DLG2: variants seen among roughly 807,000 people sequenced by gnomAD.
DLG2 encodes the protein disks large homolog 2.
A neutral mutation model predicts 132.5 loss-of-function variants in DLG2; 45 were observed. That is an observed-to-expected ratio of 0.34 (90% CI 0.27 to 0.44). DLG2 has a LOEUF of 0.44. Among genes scored for constraint, DLG2 ranks in the 20% least tolerant of loss-of-function variants. The pLI is 1.00. For synonymous variants in DLG2, 424 were observed against 419.6 expected, an observed-to-expected ratio of 1.01 and a Z score of -0.13; for missense variants, 1,045 against 1,196.9, an observed-to-expected ratio of 0.87 and a Z score of 1.87.
intron 6 of DLG2, among the ~76,000 whole-genome samples, chr11:84,869,016 T>G (rs2085061001): frequency 6.6e-6 from 1 of 152,152 alleles, no homozygotes; most frequent in African/African-American, 2.4e-5. Context: ...ATGAAAAATT[T>G]TACATATCTC....
intron 3 of DLG2, among the ~76,000 whole-genome samples, chr11:85,352,822 G>C: frequency 6.6e-6 from 1 of 152,064 alleles, no homozygotes; most frequent in East Asian, 1.9e-4. Flanking sequence ...CTTACACCTT[G>C]TACAAAAATT....
At chr11:85,509,833 A>T (rs1407936999) in intron 3 of DLG2, 1 of 152,052 alleles carries the variant, frequency 6.6e-6, no homozygotes, top group Non-Finnish European at 1.5e-5. Context: ...AGTACAGAAC[A>T]CTATGAATGC....
At chr11:84,059,506 A>C in intron 10 of DLG2, 22 bp from the exon 11 acceptor site, 1 of 1,526,738 alleles carries the variant, frequency 6.5e-7, no homozygotes, top group Non-Finnish European at 8.8e-7. Flanking sequence ...GAAAAGAGTC[A>C]AGATTCAGAA....
chr11:83,491,901 C>T (rs1211590387), intron 21 of DLG2, among the ~76,000 whole-genome samples: 1 of 151,808 alleles, frequency 6.6e-6, no homozygotes, highest in Non-Finnish European at 1.5e-5. Context: ...AATCACACTT[C>T]AAATATCGTA....
chr11:85,163,744 G>A (rs140097167), intron 4 of DLG2, among the ~76,000 whole-genome samples: 1 of 152,286 alleles, frequency 6.6e-6, no homozygotes, highest in East Asian at 1.9e-4. Context: ...GCCACCCATT[G>A]AATAGGGTCT....
intron 11 of DLG2, among the ~76,000 whole-genome samples, chr11:84,001,215 A>G (rs1162075577): frequency 6.6e-6 from 1 of 151,942 alleles, no homozygotes; most frequent in Non-Finnish European, 1.5e-5. Flanking sequence ...TACCTATAAA[A>G]ACACATGAAG....
chr11:84,853,940 G>A (rs2082462415), intron 6 of DLG2, among the ~76,000 whole-genome samples: 1 of 151,988 alleles, frequency 6.6e-6, no homozygotes, highest in Non-Finnish European at 1.5e-5. Context: ...GATGTCTTAA[G>A]GAATCAGTAA....
rs17146848 is a variant in DLG2 at position 84,120,879 on chromosome 11, A to G, written c.625-21832T>C. Among the ~76,000 whole-genome samples, 1,104 of 152,332 alleles carry G rather than the reference A, an allele frequency of 7.2e-3. 16 individuals carry two copies. Among genetic ancestry groups the G allele is most frequent in the African/African-American group, 0.025 (1,057 of 41,574 alleles). On this transcript the variant is annotated intron_variant, in intron 9 of 27. Coordinates refer to ENST00000376104, the MANE Select transcript of DLG2 (RefSeq NM_001142699.3). ...TGTATGTATTCTTTCGAATAACTATATCCTTACATTCAGTCACTAATTATG... is the reference window on the plus strand; with the variant it reads ...TGTATGTATTCTTTCGAATAACTATGTCCTTACATTCAGTCACTAATTATG...
chr11:83,958,138 A>G (rs908980134), intron 14 of DLG2, among the ~76,000 whole-genome samples: 1 of 152,236 alleles, frequency 6.6e-6, no homozygotes, highest in African/African-American at 2.4e-5. Context: ...TAGAAGCTGA[A>G]TATTCACTGA....
chr11:84,841,060 C>G (rs921936716), intron 6 of DLG2, among the ~76,000 whole-genome samples: 66 of 150,510 alleles, frequency 4.4e-4, no homozygotes, highest in Non-Finnish European at 8.9e-4. Flanking sequence ...TCATTTATTG[C>G]CACACTATGC....
At chr11:84,444,712 C>T (rs1190773942) in intron 7 of DLG2, among the ~76,000 whole-genome samples, 1 of 151,722 alleles carries the variant, frequency 6.6e-6, no homozygotes, top group Non-Finnish European at 1.5e-5. Flanking sequence ...ATCCTTTTCA[C>T]TTGATCTAAC....
At chr11:83,826,972 G>A (rs577424343) in intron 17 of DLG2, among the ~76,000 whole-genome samples, 62 of 152,196 alleles carry the variant, frequency 4.1e-4, no homozygotes, top group African/African-American at 1.3e-3. Flanking sequence ...ATTTCAGAGC[G>A]TGCTTGTTTC....
intron 19 of DLG2, among the ~76,000 whole-genome samples, chr11:83,626,302 T>G (rs1207754177): frequency 1.3e-4 from 20 of 152,156 alleles, no homozygotes; most frequent in Admixed American, 1.3e-3. Context: ...GGAAATGAAT[T>G]ACCATTTCTA....
At chr11:83,850,370 G>T (rs565141139) in intron 16 of DLG2, among the ~76,000 whole-genome samples, 2 of 152,172 alleles carry the variant, frequency 1.3e-5, no homozygotes, top group Admixed American at 1.3e-4. Context: ...AGCCAGGATG[G>T]TCTTGATTTC....
chr11:83,590,216 C>T (rs2097163630), intron 19 of DLG2, among the ~76,000 whole-genome samples: 1 of 150,388 alleles, frequency 6.6e-6, no homozygotes, highest in Non-Finnish European at 1.5e-5. Flanking sequence ...CACACCTATT[C>T]CAAAATTGAC....
At chr11:84,838,167 T>C (rs879249958) in intron 6 of DLG2, among the ~76,000 whole-genome samples, 2 of 151,988 alleles carry the variant, frequency 1.3e-5, no homozygotes, top group African/African-American at 4.8e-5. Context: ...AACCTAATTA[T>C]GTACATATTA....
intron 10 of DLG2, among the ~76,000 whole-genome samples, chr11:84,098,034 C>G (rs2097189760): frequency 2.0e-5 from 1 of 50,984 alleles, no homozygotes; most frequent in Non-Finnish European, 4.3e-5. Context: ...TCACCATGTG[C>G]CTTTTTTTTT....
intron 6 of DLG2, among the ~76,000 whole-genome samples, chr11:85,033,372 A>G (rs2061181063): frequency 6.8e-6 from 1 of 148,068 alleles, no homozygotes; most frequent in African/African-American, 2.5e-5. Flanking sequence ...TGCATTTCAA[A>G]CAATATATCC....
chr11:85,256,011 A>C (rs997870008), intron 4 of DLG2, among the ~76,000 whole-genome samples: 1 of 152,172 alleles, frequency 6.6e-6, no homozygotes, highest in Non-Finnish European at 1.5e-5. Context: ...TGGACAGGAG[A>C]CAAGAAAACA....
Sources: allele counts gnomAD v4.1 joint callset (sites outside exome capture counted in the v4.1 genomes callset), GRCh38; gene constraint gnomAD v4.1.1; transcripts MANE v1.5; gene names NCBI Gene and HGNC (gene_info 2026-07-23, HGNC 2026-07-21).